The following NID2 variants were observed in gnomAD, a reference collection of about 807,000 sequenced individuals.
NID2 encodes nidogen 2, also known as nidogen-2.
Under a neutral mutation model 145.4 loss-of-function variants are expected in NID2, and 83 were observed. The observed-to-expected ratio is 0.57, with a 90% CI of 0.48 to 0.69. The LOEUF (loss-of-function observed/expected upper bound fraction) is 0.69, where lower values mean the gene tolerates loss of function less well. NID2 is among the 30% of genes least tolerant of loss of function. The pLI, the probability that NID2 is intolerant of heterozygous loss-of-function variation, is 0.00. For synonymous variants in NID2, 739 were observed against 701.3 expected (o/e 1.05, Z -0.85); for missense variants, 1,807 against 1,765.7 (o/e 1.02, Z -0.42).
intron 9 of NID2, among the ~76,000 whole-genome samples, chr14:52,035,727 G>A (rs1892037025): frequency 6.6e-6 from 1 of 151,828 alleles, no homozygotes; most frequent in African/African-American, 2.4e-5. Context: ...TGCACAGGCT[G>A]GAATGCGATG....
At chr14:52,034,071 G>A (rs1450387160) in intron 9 of NID2, among the ~76,000 whole-genome samples, 1 of 152,154 alleles carries the variant, frequency 6.6e-6, no homozygotes, top group Non-Finnish European at 1.5e-5. Context: ...GTTAATTCAT[G>A]TAAGGTGCTT....
intron 5 of NID2, among the ~76,000 whole-genome samples, chr14:52,044,263 A>C (rs1341060411): frequency 2.4e-5 from 3 of 124,690 alleles, no homozygotes; most frequent in South Asian, 2.6e-4. Context: ...TACATTTAAC[A>C]ACCTTTTTTT....
At position 52,006,611 on chromosome 14, in the gene NID2, G is replaced by T; in HGVS notation, c.3930C>A (p.Val1310=). The change falls in exon 20 of 22, where the codon GTC becomes GTA. Residue 1310 remains valine (V), a synonymous_variant. Coordinates refer to ENST00000216286, the MANE Select transcript of NID2 (RefSeq NM_007361.4). The part of the protein sequence containing the change: ...CTLPDGTGRR[V]IQNNLKYPFS... ...AGGGGTACTTGAGGTTGTTTTGAATGACACGCCGTCCAGTTCCATCAGGTA... is the reference window on the plus strand; with the variant it reads ...AGGGGTACTTGAGGTTGTTTTGAATTACACGCCGTCCAGTTCCATCAGGTA... 6.2e-7 allele frequency: 1 copy of T among 1,613,844 alleles called. No individual in the cohort carries two copies. Among genetic ancestry groups the T allele is most frequent in the South Asian group, 1.1e-5 (1 of 91,054 alleles).
Position 52,019,291 on chromosome 14 carries a change from G to A in NID2, c.2798C>T (p.Ser933Phe), listed in dbSNP as rs1275791912. 6.3e-7 allele frequency: 1 copy of A among 1,581,514 alleles called. No individual in the cohort carries two copies. Among genetic ancestry groups the A allele is most frequent in the South Asian group, 1.1e-5 (1 of 88,508 alleles). ...TTCACAGGGTGTCAGGCTTGAGGTG[G>A]AGTCTTCCAGGATCAAGGCAGAGGA... ...YGDGFQCIPD[S>F]TSSLTPCEQQ... is the part of the protein sequence containing the mutation. Residue 933 changes from serine to phenylalanine, a missense_variant, in exon 14 of 22, where the codon TCC (serine) becomes TTC (phenylalanine). Physicochemically the swap from Ser to Phe is radical, Grantham distance 155 (BLOSUM62 -2). Coordinates refer to ENST00000216286, the MANE Select transcript of NID2 (RefSeq NM_007361.4).
chr14:52,040,588 G>A (rs781308671), intron 8 of NID2, 63 bp downstream of exon 8: 66 of 1,403,674 alleles, frequency 4.7e-5, no homozygotes, highest in East Asian at 4.6e-4. Context: ...TTTAAGCCTT[G>A]TATCTATCTT....
chr14:52,004,809 A>G lies in NID2; in HGVS notation c.*677T>C, dbSNP rs553578966. 1.2e-5 allele frequency: 3 copies of G among 245,912 alleles called. No individual in the cohort carries two copies. In the South Asian group the frequency reaches 4.9e-4, roughly 40 times the overall value. The allele number at this position is 245,912 out of a possible 1,614,324, so 15.2% of individuals were successfully genotyped here. ...ACAATATAGATCCTTAAGTCATAGG[A>G]AAACTTAAAACACTTTATTGGAGTA... is the stretch of plus-strand genomic sequence containing the variant. On this transcript the variant is annotated 3_prime_UTR_variant, in exon 22 of 22. Transcript: ENST00000216286.
In NID2 at chr14:52,011,064, G is replaced by T. The variant is rs1151578; in HGVS notation, c.3551-17C>A. On this transcript the variant is annotated splice_polypyrimidine_tract_variant and intron_variant, in intron 17 of 21. Transcript: ENST00000216286. Reference sequence around the variant, plus strand: ...TTATCAGACCTGGAAATAAAGCAAAGTCAGGACTGGAGTGTTTGCAGGATA... The same window carrying T: ...TTATCAGACCTGGAAATAAAGCAAATTCAGGACTGGAGTGTTTGCAGGATA... 22,127 of 1,611,012 alleles carry T rather than the reference G, an allele frequency of 0.014. 1,221 individuals carry two copies. The African/African-American group carries it at 0.17, about 13-fold the overall frequency.
At position 52,014,290 on chromosome 14, in the gene NID2, C is replaced by A; in HGVS notation, c.3417G>T (p.Leu1139=). ...QKDAAKTLLS[L]HGSIIVGIDY... is the part of the protein sequence containing the mutation. ...CTACAGGAGAAATCCACTTTACATG[C>A]AGAGACAGCAGGGTCTTAGCTGCAT... The change falls in exon 16 of 22, where the codon CTG becomes CTT. Residue 1139 remains leucine, a synonymous_variant. Transcript: ENST00000216286. 1 of 1,614,250 alleles carries A rather than the reference C, an allele frequency of 6.2e-7. No individual in the cohort carries two copies. The highest frequency in any genetic ancestry group is 8.5e-7 in the Non-Finnish European group (1 of 1,180,042).
At chr14:52,023,129 G>A (rs1422111240) in intron 12 of NID2, among the ~76,000 whole-genome samples, 1 of 152,096 alleles carries the variant, frequency 6.6e-6, no homozygotes, top group Non-Finnish European at 1.5e-5. Flanking sequence ...TACATTCTTG[G>A]AACAGGAAAC....
intron 5 of NID2, 61 bp downstream of exon 5, chr14:52,053,518 G>A (rs1002939188): frequency 1.6e-5 from 24 of 1,528,944 alleles, no homozygotes; most frequent in Admixed American, 2.0e-5. Flanking sequence ...AAATCACAAC[G>A]CTATGCAAAA....
chr14:52,031,049 G>A (rs1353977380), intron 9 of NID2, among the ~76,000 whole-genome samples: 1 of 152,144 alleles, frequency 6.6e-6, no homozygotes, highest in Non-Finnish European at 1.5e-5. Context: ...GAGGTGGATG[G>A]AGCTGGAATA....
rs1446933913 is a variant in NID2, at chr14:52,030,520, G to GA, written c.2258-831dup. Among the ~76,000 whole-genome samples the GA allele has an allele frequency of 2.7e-3, 75 of 28,074 alleles. 1 individual carries two copies. The highest frequency in any genetic ancestry group is 3.2e-3 in the East Asian group (5 of 1,556). The allele number at this position is 28,074 out of a possible 152,430, so 18.4% of individuals were successfully genotyped here. A position where few individuals can be genotyped will look rare whatever the true frequency, so the allele number is the denominator to read the frequency against. On this transcript the variant is annotated intron_variant, in intron 9 of 21. Coordinates refer to ENST00000216286, the MANE Select transcript of NID2 (RefSeq NM_007361.4). Reference sequence around the variant, plus strand: ...AAGAAAGAGAAAGAAAGAAAGAAAAGAAAGAAAGAAAGAAAGAAAGAAAGA... The same window carrying GA: ...AAGAAAGAGAAAGAAAGAAAGAAAAGAAAAGAAAGAAAGAAAGAAAGAAAGA...
At chr14:52,013,767 G>T (rs1891114597) in intron 16 of NID2, among the ~76,000 whole-genome samples, 1 of 152,148 alleles carries the variant, frequency 6.6e-6, no homozygotes, top group African/African-American at 2.4e-5. Flanking sequence ...CATCTATGGA[G>T]TCAGGGAAGG....
At chr14:52,008,082 C>T in intron 18 of NID2, 115 bp from the exon 19 acceptor site, 2 of 814,802 alleles carry the variant, frequency 2.5e-6, no homozygotes, top group Non-Finnish European at 3.8e-6. Context: ...TAAGCAATCC[C>T]CTTGAGTTTG....
chr14:52,048,235 G>A (rs1013057868), intron 5 of NID2, among the ~76,000 whole-genome samples: 5 of 152,182 alleles, frequency 3.3e-5, no homozygotes, highest in Non-Finnish European at 7.3e-5. Flanking sequence ...CCATCCACAA[G>A]AATACAACGT....
At chr14:52,020,654 C>A (rs1891373156) in intron 12 of NID2, among the ~76,000 whole-genome samples, 1 of 152,108 alleles carries the variant, frequency 6.6e-6, no homozygotes, top group Non-Finnish European at 1.5e-5. Context: ...AGATGAGGCC[C>A]AAATATTTTT....
intron 9 of NID2, among the ~76,000 whole-genome samples, chr14:52,030,621 AG>A: frequency 6.7e-6 from 1 of 148,888 alleles, no homozygotes; most frequent in East Asian, 2.0e-4. Context: ...AGAAAAAGAA[AG>A]AAAGAGAAAG....
At chr14:52,063,928 C>G (rs150697092) in intron 2 of NID2, among the ~76,000 whole-genome samples, 4 of 152,320 alleles carry the variant, frequency 2.6e-5, no homozygotes, top group African/African-American at 9.6e-5. Context: ...CTATATCCTT[C>G]CTGATACTCT....
chr14:52,006,185 C>T (rs767238348), intron 20 of NID2: 38 of 395,048 alleles, frequency 9.6e-5, no homozygotes, highest in Admixed American at 2.2e-4. Flanking sequence ...GTGTCAAAAG[C>T]CAACTTAAGC....
Sources: gnomAD v4.1 joint callset for allele counts (sites outside exome capture counted in the v4.1 genomes callset) on GRCh38, gnomAD v4.1.1 for gene constraint, MANE v1.5 for transcripts, NCBI Gene and HGNC (gene_info 2026-07-23, HGNC 2026-07-21) for gene names.